Variants in PTPRD observed in about 807,000 individuals in gnomAD.
The protein encoded by PTPRD is protein tyrosine phosphatase receptor type D.
PTPRD carries 34 observed loss-of-function variants against 214.5 expected under a neutral mutation model. That is an observed-to-expected ratio of 0.16 (90% CI 0.12 to 0.21). The LOEUF (loss-of-function observed/expected upper bound fraction) is 0.21, where lower values mean the gene tolerates loss of function less well. Among genes scored for constraint, PTPRD ranks in the 10% least tolerant of loss-of-function variants. PTPRD has a pLI of 1.00. For synonymous variants in PTPRD, 1,128 were observed against 845.7 expected (o/e 1.33, Z -5.79); for missense variants, 2,545 against 2,398.7 (o/e 1.06, Z -1.27).
intron 3 of PTPRD, among the ~76,000 whole-genome samples, chr9:10,123,672 T>A (rs1253638550): frequency 6.6e-6 from 1 of 152,152 alleles, no homozygotes; most frequent in East Asian, 1.9e-4. Context: ...AAGAACACCG[T>A]TATTTTGGAA....
At chr9:9,427,851 C>G (rs2081560969) in intron 8 of PTPRD, among the ~76,000 whole-genome samples, 1 of 152,108 alleles carries the variant, frequency 6.6e-6, no homozygotes, top group South Asian at 2.1e-4. Flanking sequence ...CCTTTACAGA[C>G]AAACAAATGC....
At chr9:10,196,207 C>T (rs2099397430) in intron 3 of PTPRD, among the ~76,000 whole-genome samples, 2 of 152,092 alleles carry the variant, frequency 1.3e-5, no homozygotes, top group African/African-American at 2.4e-5. Context: ...CAATATCTTG[C>T]TACACTGTTT....
intron 11 of PTPRD, among the ~76,000 whole-genome samples, chr9:8,785,846 A>G (rs1163758532): frequency 2.0e-5 from 3 of 152,244 alleles, no homozygotes; most frequent in African/African-American, 4.8e-5. Context: ...AGCATAAGGA[A>G]CACAAAAACT....
At chr9:8,755,589 G>C (rs1018981110) in intron 11 of PTPRD, among the ~76,000 whole-genome samples, 3 of 149,584 alleles carry the variant, frequency 2.0e-5, no homozygotes, top group Non-Finnish European at 4.4e-5. Flanking sequence ...ATCCAAACTA[G>C]AGTGAATAAA....
chr9:10,392,284 G>A (rs1021369843), intron 2 of PTPRD, among the ~76,000 whole-genome samples: 6 of 151,848 alleles, frequency 4.0e-5, no homozygotes, highest in African/African-American at 1.4e-4. Context: ...TTGATTCTAT[G>A]GTTAGGTGGC....
rs534079102 is a variant in PTPRD, at chr9:8,925,249, T to G, written c.-104+93448A>C. ...TTTTCTGGGTACTTGTGTCCTTTTA[T>G]GCAGCTACTTATTGGTCACCTTCCT... On this transcript the variant is annotated intron_variant, in intron 11 of 45. Coordinates refer to ENST00000381196, the MANE Select transcript of PTPRD (RefSeq NM_002839.4). Among the ~76,000 whole-genome samples, 3 of 152,284 alleles carry G rather than the reference T, an allele frequency of 2.0e-5. No individual in the cohort carries two copies. The East Asian group carries it at 5.8e-4, about 29-fold the overall frequency.
intron 11 of PTPRD, among the ~76,000 whole-genome samples, chr9:8,959,124 G>C (rs2099146299): frequency 6.6e-6 from 1 of 151,890 alleles, no homozygotes; most frequent in Non-Finnish European, 1.5e-5. Context: ...ACACAACACT[G>C]GCTTTAACAC....
At chr9:8,704,148 C>T (rs1468489505) in intron 12 of PTPRD, among the ~76,000 whole-genome samples, 1 of 152,182 alleles carries the variant, frequency 6.6e-6, no homozygotes, top group Non-Finnish European at 1.5e-5. Context: ...TGATCAACCA[C>T]TCTTCCCTTG....
chr9:9,869,387 T>C (rs1451308788), intron 5 of PTPRD, among the ~76,000 whole-genome samples: 3 of 152,118 alleles, frequency 2.0e-5, no homozygotes, highest in Admixed American at 2.0e-4. Context: ...AGGTGAAAGT[T>C]GTTGGGACAC....
intron 3 of PTPRD, among the ~76,000 whole-genome samples, chr9:10,201,395 T>C (rs2099420432): frequency 6.6e-6 from 1 of 152,084 alleles, no homozygotes; most frequent in Admixed American, 6.6e-5. Context: ...ATACTTAAAG[T>C]CCTTCAACAT....
chr9:9,246,197 T>G (rs1402173019), intron 9 of PTPRD, among the ~76,000 whole-genome samples: 3 of 152,098 alleles, frequency 2.0e-5, no homozygotes, highest in Non-Finnish European at 4.4e-5. Flanking sequence ...TGCAGGTTTG[T>G]TGTCCACCTG....
At chr9:10,508,031 A>C (rs186218029) in intron 2 of PTPRD, among the ~76,000 whole-genome samples, 1 of 152,020 alleles carries the variant, frequency 6.6e-6, no homozygotes, top group Admixed American at 6.6e-5. Context: ...AATGGGAGAA[A>C]ATTTTTGCAA....
chr9:10,525,379 T>G (rs1009549803), intron 2 of PTPRD, among the ~76,000 whole-genome samples: 2 of 152,054 alleles, frequency 1.3e-5, no homozygotes, highest in African/African-American at 2.4e-5. Context: ...AGTGTTGGTA[T>G]TCTAATCTTG....
chr9:9,063,165 T>C (rs78305437), intron 10 of PTPRD, among the ~76,000 whole-genome samples: 143 of 152,266 alleles, frequency 9.4e-4, no homozygotes, highest in African/African-American at 3.2e-3. Context: ...CAGACTAGCA[T>C]TGGCAAATTT....
chr9:8,638,803 C>A (rs1467548102), intron 12 of PTPRD, among the ~76,000 whole-genome samples: 1 of 152,038 alleles, frequency 6.6e-6, no homozygotes, highest in African/African-American at 2.4e-5. Flanking sequence ...TTACTAGGAG[C>A]TGTGGGAAGT....
chr9:8,811,764 A>G (rs1487003988), intron 11 of PTPRD, among the ~76,000 whole-genome samples: 8 of 152,214 alleles, frequency 5.3e-5, no homozygotes, highest in African/African-American at 1.7e-4. Flanking sequence ...TCGTAATTCA[A>G]TTTCATCTCT....
intron 3 of PTPRD, among the ~76,000 whole-genome samples, chr9:10,161,306 T>C (rs1405979538): frequency 1.3e-5 from 2 of 151,844 alleles, no homozygotes; most frequent in Non-Finnish European, 2.9e-5. Flanking sequence ...CTTCAAAATA[T>C]ACTAGGAAGC....
chr9:10,279,722 A>AT (rs2094976364), intron 3 of PTPRD, among the ~76,000 whole-genome samples: 1 of 149,642 alleles, frequency 6.7e-6, no homozygotes, highest in Non-Finnish European at 1.5e-5. Flanking sequence ...AAAAAAAAAA[A>AT]GCCTTTCCTC....
chr9:10,421,079 G>C (rs1019568112), intron 2 of PTPRD, among the ~76,000 whole-genome samples: 6 of 151,742 alleles, frequency 4.0e-5, no homozygotes, highest in African/African-American at 1.5e-4. Flanking sequence ...CTTAAAAAAA[G>C]AAAAGCAAAA....
Sources: gnomAD v4.1 joint callset for allele counts (sites outside exome capture counted in the v4.1 genomes callset) on GRCh38, gnomAD v4.1.1 for gene constraint, MANE v1.5 for transcripts, NCBI Gene and HGNC (gene_info 2026-07-23, HGNC 2026-07-21) for gene names.